KDM4B: variants seen among roughly 807,000 people sequenced by gnomAD.
The protein encoded by KDM4B is lysine-specific demethylase 4B.
In KDM4B, 32 loss-of-function variants were observed where a neutral mutation model predicts 125.2. That is an observed-to-expected ratio of 0.26 (90% CI 0.19 to 0.34). The LOEUF (loss-of-function observed/expected upper bound fraction) is 0.34, where lower values mean the gene tolerates loss of function less well. Ranked by LOEUF, KDM4B falls within the 10% of genes least tolerant of loss-of-function variation. The pLI is 1.00. For synonymous variants in KDM4B, 721 were observed against 677.9 expected, an observed-to-expected ratio of 1.06 and a Z score of -0.99; for missense variants, 1,190 against 1,577.7, an observed-to-expected ratio of 0.75 and a Z score of 4.16.
intron 9 of KDM4B, among the ~76,000 whole-genome samples, chr19:5,098,797 T>C (rs2038876698): frequency 6.6e-6 from 1 of 152,018 alleles, no homozygotes. Context: ...ATGCCAAGAA[T>C]CAGGAAGTCA....
intron 11 of KDM4B, among the ~76,000 whole-genome samples, chr19:5,128,364 C>T (rs2039485159): frequency 6.6e-6 from 1 of 152,190 alleles, no homozygotes; most frequent in African/African-American, 2.4e-5. Flanking sequence ...GTGGGGCCCT[C>T]CTGGGCCAGA....
At chr19:5,044,079 T>G (rs111375059) in intron 5 of KDM4B, among the ~76,000 whole-genome samples, 1 of 59,868 alleles carries the variant, frequency 1.7e-5, no homozygotes, top group Admixed American at 1.5e-4. Flanking sequence ...CCGCGTGGTG[T>G]TTATCGGAGT....
rs748045757 is a variant in KDM4B at position 5,114,025 on chromosome 19, C to T, written c.1115+3207C>T. On this transcript the variant is annotated intron_variant, in intron 10 of 22. Transcript: ENST00000159111. The surrounding 1 kb of genome is among the most constrained non-coding windows in gnomAD (Gnocchi z 5.8). The stretch of plus-strand genomic sequence containing the variant: ...AGCGTTGGGGGCTGTTTGTATTCTT[C>T]CCCCTGATGGATGGGTCGCCTAAAA... The T allele has an allele frequency of 2.3e-6, 3 of 1,281,084 alleles. No individual in the cohort carries two copies. Among genetic ancestry groups the T allele is most frequent in the East Asian group, 5.6e-5 (1 of 17,904 alleles). The allele number at this position is 1,281,084 out of a possible 1,614,324, so 79.4% of individuals were successfully genotyped here. A position where few individuals can be genotyped will look rare whatever the true frequency, so the allele number is the denominator to read the frequency against.
intron 6 of KDM4B, among the ~76,000 whole-genome samples, chr19:5,059,705 G>T (rs2037523459): frequency 6.6e-6 from 1 of 152,242 alleles, no homozygotes. Context: ...GTCACCAGGG[G>T]CCTGGCGGTC....
intron 9 of KDM4B, among the ~76,000 whole-genome samples, chr19:5,097,357 C>T (rs2038848194): frequency 6.6e-6 from 1 of 152,134 alleles, no homozygotes; most frequent in South Asian, 2.1e-4. Flanking sequence ...ATCAAGCAAT[C>T]CTCCTACCTC....
chr19:5,119,728 G>C lies in KDM4B; in HGVS notation c.1191G>C (p.Gly397=), dbSNP rs2039325313. The change falls in exon 11 of 23, where the codon GGG becomes GGC. Residue 397 remains glycine (G), a synonymous_variant. Coordinates refer to ENST00000159111, the MANE Select transcript of KDM4B (RefSeq NM_015015.3). ...DPKFPGEGTA[G]AALLEEAGGS... The stretch of plus-strand genomic sequence containing the variant: ...AGTTCCCTGGGGAGGGTACGGCTGG[G>C]GCAGCGCTCCTAGAGGAGGCTGGGG... The C allele has an allele frequency of 6.4e-7, 1 of 1,551,304 alleles. No homozygotes were observed. Among genetic ancestry groups the C allele is most frequent in the Non-Finnish European group, 8.7e-7 (1 of 1,147,320 alleles).
intron 21 of KDM4B, among the ~76,000 whole-genome samples, chr19:5,146,955 A>AAC (rs1555722977): frequency 6.6e-6 from 1 of 150,542 alleles, no homozygotes; most frequent in Non-Finnish European, 1.5e-5. Context: ...AAAAAAAAAA[A>AAC]AAAAAAACAA....
intron 2 of KDM4B, among the ~76,000 whole-genome samples, chr19:5,018,132 G>A (rs1475715716): frequency 1.3e-5 from 2 of 152,148 alleles, no homozygotes; most frequent in African/African-American, 4.8e-5. Context: ...TCCACCTCCT[G>A]GGCTCAAGGG....
chr19:4,973,648 T>C (rs2034338296), intron 1 of KDM4B, among the ~76,000 whole-genome samples: 1 of 152,190 alleles, frequency 6.6e-6, no homozygotes, highest in South Asian at 2.1e-4. Context: ...ACTCCCTGCG[T>C]GACTGGCCTG....
intron 2 of KDM4B, among the ~76,000 whole-genome samples, chr19:5,024,545 C>T (rs561375145): frequency 6.6e-6 from 1 of 152,146 alleles, no homozygotes; most frequent in South Asian, 2.1e-4. Context: ...GTGGGGCCGC[C>T]CATAAGATGC....
At chr19:5,100,731 T>A (rs2620793) in intron 9 of KDM4B, among the ~76,000 whole-genome samples, 3,081 of 152,318 alleles carry the variant, frequency 0.02, 99 homozygotes, top group African/African-American at 0.066. Context: ...TCTTTTTTAT[T>A]AATTTGTTTT....
intron 6 of KDM4B, among the ~76,000 whole-genome samples, chr19:5,061,219 A>G (rs2037586008): frequency 6.6e-6 from 1 of 152,192 alleles, no homozygotes; most frequent in Non-Finnish European, 1.5e-5. Context: ...TTTGTCGGGC[A>G]TTCCTGTGGG....
intron 10 of KDM4B, among the ~76,000 whole-genome samples, chr19:5,118,327 C>T (rs964019605): frequency 1.3e-5 from 2 of 152,206 alleles, no homozygotes; most frequent in South Asian, 2.1e-4. Flanking sequence ...GAAACACTGG[C>T]GCTCCCAGCT....
intron 2 of KDM4B, among the ~76,000 whole-genome samples, chr19:5,022,212 G>A (rs1162179406): frequency 2.6e-5 from 4 of 152,178 alleles, no homozygotes; most frequent in African/African-American, 9.7e-5. Flanking sequence ...GCCAGGTGCT[G>A]ATAGTCCTAT....
intron 9 of KDM4B, among the ~76,000 whole-genome samples, chr19:5,107,168 G>C (rs963234596): frequency 6.6e-6 from 1 of 152,218 alleles, no homozygotes; most frequent in Non-Finnish European, 1.5e-5. Flanking sequence ...CTCTCAGGGC[G>C]GCCTCACCCA....
chr19:5,018,818 G>A (rs778335621), intron 2 of KDM4B, among the ~76,000 whole-genome samples: 7 of 152,212 alleles, frequency 4.6e-5, no homozygotes, highest in Non-Finnish European at 1.0e-4. Flanking sequence ...CGCACTGTGT[G>A]GCCTTTTGTG....
At chr19:5,105,847 A>C (rs1446456372) in intron 9 of KDM4B, among the ~76,000 whole-genome samples, 5 of 152,212 alleles carry the variant, frequency 3.3e-5, no homozygotes, top group Non-Finnish European at 7.3e-5. Context: ...ACAGCTGTGG[A>C]TGATACATAA....
At chr19:5,066,772 C>A (rs759186396) in intron 6 of KDM4B, among the ~76,000 whole-genome samples, 1 of 152,172 alleles carries the variant, frequency 6.6e-6, no homozygotes, top group African/African-American at 2.4e-5. Flanking sequence ...AGATGCGGAG[C>A]CGAGTTTCTA....
intron 1 of KDM4B, among the ~76,000 whole-genome samples, chr19:4,978,310 C>G (rs1423501689): frequency 6.6e-6 from 1 of 151,756 alleles, no homozygotes; most frequent in African/African-American, 2.4e-5. Flanking sequence ...AGTTCAAGAC[C>G]AGCCTGGCCA....
Sources: allele counts gnomAD v4.1 joint callset (sites outside exome capture counted in the v4.1 genomes callset), GRCh38; gene constraint gnomAD v4.1.1; non-coding constraint Gnocchi (gnomAD v3.1); transcripts MANE v1.5; gene names NCBI Gene and HGNC (gene_info 2026-07-23, HGNC 2026-07-21).